Variants in TLE3 observed in about 807,000 individuals in gnomAD.
TLE3 encodes the protein TLE family member 3, transcriptional corepressor, also known as transducin-like enhancer protein 3.
Under a neutral mutation model 93.0 loss-of-function variants are expected in TLE3, and 14 were observed. The observed-to-expected ratio is 0.15, with a 90% CI of 0.10 to 0.24. The LOEUF (loss-of-function observed/expected upper bound fraction) is 0.24. Ranked by LOEUF, TLE3 falls within the 10% of genes least tolerant of loss-of-function variation. The probability of loss-of-function intolerance (pLI) is 1.00; values close to 1 mark genes in which losing one functional copy is unlikely to be tolerated. For missense variants in TLE3, 693 were observed against 1,046.6 expected (o/e 0.66, Z 4.66); for synonymous variants, 451 against 425.0 (o/e 1.06, Z -0.75).
At chr15:70,087,421 A>G (rs532589939) in intron 4 of TLE3, among the ~76,000 whole-genome samples, 18 of 152,364 alleles carry the variant, frequency 1.2e-4, no homozygotes, top group African/African-American at 4.1e-4. Flanking sequence ...CTTTGCAATC[A>G]AGTGCTACAG....
At position 70,049,169 on chromosome 15, in the gene TLE3, C is replaced by G. The variant is rs1461461768; in HGVS notation, c.*928G>C. The G allele has an allele frequency of 2.0e-5, 3 of 152,232 alleles. No individual in the cohort carries two copies. Among genetic ancestry groups the G allele is most frequent in the African/African-American group, 7.2e-5 (3 of 41,438 alleles). The allele number at this position is 152,232 out of a possible 1,614,324, so 9.4% of individuals were successfully genotyped here. ...GAACTTCCATTGCTCACAACAATAA[C>G]TAAGTGTGCACCAAAGAGAAAGACC... On this transcript the variant is annotated 3_prime_UTR_variant, in exon 20 of 20. Transcript: ENST00000451782.
At chr15:70,068,539 GT>G (rs2056957386) in intron 6 of TLE3, among the ~76,000 whole-genome samples, 1 of 152,192 alleles carries the variant, frequency 6.6e-6, no homozygotes, top group Non-Finnish European at 1.5e-5. Context: ...TGAAAGCAAG[GT>G]ATTTAATCCA....
rs1044239322 is a variant in TLE3 at position 70,058,787 on chromosome 15, G to A, written c.794C>T (p.Ala265Val). 1.4e-5 allele frequency: 22 copies of A among 1,604,798 alleles called. No homozygotes were observed. The highest frequency in any genetic ancestry group is 1.9e-5 in the Non-Finnish European group (22 of 1,175,996). ...EDPATPRVSP[A>V]HSPPENGLDK... The stretch of plus-strand genomic sequence containing the variant: ...CAGCCCATTTTCAGGAGGGGAGTGT[G>A]CCGGGCTGACCCGGGGCGTTGCGGG... Residue 265 changes from alanine to valine, a missense_variant, in exon 11 of 20, where the codon GCA becomes GTA. By Grantham distance (64) the Ala-to-Val change is moderately conservative. Transcript: ENST00000451782. The surrounding 1 kb of genome is among the most constrained non-coding windows in gnomAD (Gnocchi z 4.1).
At chr15:70,067,800 C>T (rs145443629) in intron 6 of TLE3, among the ~76,000 whole-genome samples, 1 of 152,258 alleles carries the variant, frequency 6.6e-6, no homozygotes, top group African/African-American at 2.4e-5. Flanking sequence ...CCATGGCACT[C>T]CTGGCCCCAG....
At chr15:70,093,355 C>T (rs1022124810) in intron 4 of TLE3, among the ~76,000 whole-genome samples, 5 of 152,216 alleles carry the variant, frequency 3.3e-5, no homozygotes, top group Admixed American at 6.5e-5. Flanking sequence ...GGAAGCCACC[C>T]GAGTGGGTAG....
chr15:70,053,550 G>C (rs2055739319), intron 16 of TLE3, 176 bp from the exon 17 acceptor site: 2 of 671,242 alleles, frequency 3.0e-6, no homozygotes, highest in Non-Finnish European at 4.6e-6. Context: ...TCCAGTTCCA[G>C]GCCTCTTTCC....
intron 4 of TLE3, among the ~76,000 whole-genome samples, chr15:70,081,076 T>C (rs1347373444): frequency 6.6e-6 from 1 of 152,104 alleles, no homozygotes; most frequent in African/African-American, 2.4e-5. Context: ...CTTCAAAGAG[T>C]GTGTTATGCT....
chr15:70,056,028 C>A, intron 14 of TLE3: 1 of 544,804 alleles, frequency 1.8e-6, no homozygotes, highest in Non-Finnish European at 3.3e-6. Context: ...AGTGTTCCTT[C>A]TCTCCCAGCC....
rs2141499181 is a variant in TLE3, at chr15:70,058,451, G to T, written c.919-160C>A. ...TCCTTGCCCAACCTTGTTTGGCAGG[G>T]ACTGGGGTGATCACTCCCATTTTAC... is the stretch of plus-strand genomic sequence containing the variant. On this transcript the variant is annotated intron_variant, in intron 11 of 19. Transcript: ENST00000451782. This position sits in a 1 kb window ranked among gnomAD's most constrained non-coding sequence, Gnocchi z 4.1. 7.5e-7 allele frequency: 1 copy of T among 1,339,096 alleles called. No homozygotes were observed. The highest frequency in any genetic ancestry group is 1.0e-6 in the Non-Finnish European group (1 of 982,202). 83.0% of individuals were successfully genotyped at this position (1,339,096 alleles called of 1,614,324 possible). A position where few individuals can be genotyped will look rare whatever the true frequency, so the allele number is the denominator to read the frequency against.
At chr15:70,052,602 G>T (rs2055647560) in intron 17 of TLE3, 78 bp from the exon 18 acceptor site, 1 of 1,496,862 alleles carries the variant, frequency 6.7e-7, no homozygotes, top group East Asian at 2.4e-5. Flanking sequence ...CAAAGGTGCT[G>T]CTCAGGTCCT....
chr15:70,084,375 G>A (rs1226621896), intron 4 of TLE3, among the ~76,000 whole-genome samples: 3 of 152,240 alleles, frequency 2.0e-5, no homozygotes, highest in Admixed American at 6.5e-5. Context: ...AAACACAGAG[G>A]ACAATCCCAC....
chr15:70,089,170 C>A lies in TLE3; in HGVS notation c.234+5362G>T, dbSNP rs190710808. On this transcript the variant is annotated intron_variant, in intron 4 of 19. Transcript: ENST00000451782. Reference sequence around the variant, plus strand: ...GCCGACTTCTGCCTCATAAACCCTACCCTCCCTTTCAGACTCGCGCCAAGC... The same window carrying A: ...GCCGACTTCTGCCTCATAAACCCTAACCTCCCTTTCAGACTCGCGCCAAGC... Among the ~76,000 whole-genome samples the A allele has an allele frequency of 8.5e-5, 13 of 152,336 alleles. No individual in the cohort carries two copies. In the East Asian group the frequency reaches 2.5e-3, roughly 29 times the overall value.
At chr15:70,055,596 T>C (rs569889669) in intron 14 of TLE3, 1 of 323,568 alleles carries the variant, frequency 3.1e-6, no homozygotes, top group Non-Finnish European at 5.6e-6. Context: ...TCCCCCAACA[T>C]GCCAACCCTG....
intron 4 of TLE3, among the ~76,000 whole-genome samples, chr15:70,083,129 C>A (rs1375324657): frequency 6.6e-6 from 1 of 152,138 alleles, no homozygotes; most frequent in African/African-American, 2.4e-5. Context: ...GTGTAATAAT[C>A]GGAGCTCTCA....
chr15:70,063,870 A>C (rs1417987200), intron 8 of TLE3, among the ~76,000 whole-genome samples: 2 of 152,242 alleles, frequency 1.3e-5, no homozygotes, highest in African/African-American at 4.8e-5. Context: ...AGCCCAGAGC[A>C]GGGAGAAACT....
At chr15:70,089,032 G>C (rs1035072381) in intron 4 of TLE3, among the ~76,000 whole-genome samples, 11 of 152,158 alleles carry the variant, frequency 7.2e-5, no homozygotes, top group African/African-American at 1.2e-4. Flanking sequence ...TCACCACCTC[G>C]CCTCACTTCC....
At position 70,058,864 on chromosome 15, in the gene TLE3, C is replaced by A; in HGVS notation, c.766-49G>T. On this transcript the variant is annotated intron_variant, in intron 10 of 19. Coordinates refer to ENST00000451782, the MANE Select transcript of TLE3 (RefSeq NM_001105192.3). The surrounding 1 kb of genome is among the most constrained non-coding windows in gnomAD (Gnocchi z 4.1). ...ATGCACTGAAAGCAACAGCCAGCCT[C>A]GAGGCTTCCCTGCTCTGGGAGTGGG... The A allele has an allele frequency of 6.7e-7, 1 of 1,495,938 alleles. No individual in the cohort carries two copies. Among genetic ancestry groups the A allele is most frequent in the Non-Finnish European group, 8.9e-7 (1 of 1,124,922 alleles). 92.7% of individuals were successfully genotyped at this position (1,495,938 alleles called of 1,614,324 possible). A position where few individuals can be genotyped will look rare whatever the true frequency, so the allele number is the denominator to read the frequency against.
In TLE3 at chr15:70,097,906, CA is replaced by C. The variant is rs915359484; in HGVS notation, c.-1109del. 2 of 259,534 alleles carry C rather than the reference CA, an allele frequency of 7.7e-6. No homozygotes were observed. Among genetic ancestry groups the C allele is most frequent in the Non-Finnish European group, 1.5e-5 (2 of 137,650 alleles). 16.1% of individuals were successfully genotyped at this position (259,534 alleles called of 1,614,324 possible). Reference sequence around the variant, plus strand: ...GTCTGAACTGCCGCGAGAGCAGTTCCAAATAGGGACTGAAAAGTAACAAAAT... The same window carrying C: ...GTCTGAACTGCCGCGAGAGCAGTTCCAATAGGGACTGAAAAGTAACAAAAT... On this transcript the variant is annotated 5_prime_UTR_variant, in exon 1 of 20. Coordinates refer to ENST00000451782, the MANE Select transcript of TLE3 (RefSeq NM_001105192.3).
In TLE3 at chr15:70,049,242, G is replaced by A. The variant is rs1210637672; in HGVS notation, c.*855C>T. On this transcript the variant is annotated 3_prime_UTR_variant, in exon 20 of 20. Transcript: ENST00000451782. ...AGACCAAGAAAGAGAGACACAGAGA[G>A]GGCAAGAGGCAGCCAGAGTGCAAGA... 6.6e-6 allele frequency: 1 copy of A among 152,436 alleles called. No individual in the cohort carries two copies. Among genetic ancestry groups the A allele is most frequent in the African/African-American group, 2.4e-5 (1 of 41,464 alleles). The allele number at this position is 152,436 out of a possible 1,614,324, so 9.4% of individuals were successfully genotyped here.
Sources: allele counts gnomAD v4.1 joint callset (sites outside exome capture counted in the v4.1 genomes callset), GRCh38; gene constraint gnomAD v4.1.1; non-coding constraint Gnocchi (gnomAD v3.1); transcripts MANE v1.5; gene names NCBI Gene and HGNC (gene_info 2026-07-23, HGNC 2026-07-21).